The following RTL4 variants were observed in gnomAD, a reference collection of about 807,000 sequenced individuals.
RTL4 encodes retrotransposon Gag like 4.
A neutral mutation model predicts 5.3 loss-of-function variants in RTL4; 4 were observed. The ratio of observed to expected loss-of-function variants is 0.75; its 90% confidence interval spans 0.37 to 1.72. RTL4 has a LOEUF of 1.72. Ranked by LOEUF, RTL4 falls within the 40% of genes most tolerant of loss-of-function variation. RTL4 has a pLI of 0.04. For missense variants in RTL4, 260 were observed against 227.1 expected (o/e 1.14, Z -0.93); for synonymous variants, 98 against 87.3 (o/e 1.12, Z -0.68).
the RTL4 span, among the ~76,000 whole-genome samples, chrX:112,414,570 A>G: frequency 9.0e-6 from 1 of 111,644 alleles, no homozygotes; most frequent in Admixed American, 9.5e-5. Flanking sequence ...TAATGATTGA[A>G]TATCCTATGT....
the RTL4 span, among the ~76,000 whole-genome samples, chrX:112,292,954 A>G: frequency 1.7e-4 from 19 of 112,173 alleles, no homozygotes; most frequent in African/African-American, 2.3e-4. Context: ...GAACATATCT[A>G]CTGTGTAAAG....
chrX:112,246,323 G>A, the RTL4 span, among the ~76,000 whole-genome samples: 2 of 112,029 alleles, frequency 1.8e-5, no homozygotes, highest in Non-Finnish European at 3.8e-5. Context: ...CTGCCCCAGA[G>A]GTGGAGTCTA....
the RTL4 span, among the ~76,000 whole-genome samples, chrX:112,375,284 G>A: frequency 9.0e-6 from 1 of 111,019 alleles, no homozygotes; most frequent in Non-Finnish European, 1.9e-5. Flanking sequence ...GTTGAGGCGG[G>A]GGCGGAAGTC....
the RTL4 span, among the ~76,000 whole-genome samples, chrX:112,435,759 T>G: frequency 8.9e-6 from 1 of 112,269 alleles, no homozygotes; most frequent in Non-Finnish European, 1.9e-5. Flanking sequence ...AACAAAAAAC[T>G]TTTAAAATTT....
At chrX:112,340,411 A>G in the RTL4 span, among the ~76,000 whole-genome samples, 1 of 111,069 alleles carries the variant, frequency 9.0e-6, no homozygotes, top group Non-Finnish European at 1.9e-5. Context: ...TTATGAATCC[A>G]ATTAGGATTA....
chrX:112,388,795 G>A, the RTL4 span, among the ~76,000 whole-genome samples: 5 of 111,898 alleles, frequency 4.5e-5, no homozygotes, highest in South Asian at 1.9e-3. Flanking sequence ...TTTTCGATGT[G>A]CTGTTAAATT....
At chrX:112,381,840 A>AAAGATT in the RTL4 span, 1 of 1,206,609 alleles carries the variant, frequency 8.3e-7, no homozygotes. Context: ...CTCCAGGAGA[A>AAAGATT]AAGATTACTG....
At chrX:112,176,495 G>A in the RTL4 span, among the ~76,000 whole-genome samples, 8 of 111,488 alleles carry the variant, frequency 7.2e-5, no homozygotes, top group African/African-American at 2.0e-4. Flanking sequence ...GATGTTCACA[G>A]AATCTCCAAG....
chrX:112,439,076 C>G, the RTL4 span, among the ~76,000 whole-genome samples: 4 of 111,897 alleles, frequency 3.6e-5, no homozygotes, highest in African/African-American at 1.3e-4. Flanking sequence ...CCTCATAGCT[C>G]TATTTCCTTA....
chrX:112,088,361 C>A, the RTL4 span, among the ~76,000 whole-genome samples: 2 of 111,404 alleles, frequency 1.8e-5, no homozygotes, highest in African/African-American at 6.5e-5. Context: ...TTTGAAGGTC[C>A]ATCTGTGTTG....
chrX:112,344,684 A>G, the RTL4 span, among the ~76,000 whole-genome samples: 1 of 112,180 alleles, frequency 8.9e-6, no homozygotes, highest in Non-Finnish European at 1.9e-5. Flanking sequence ...TCTAAACCAT[A>G]TCAAGTGCCA....
At chrX:112,215,163 G>A in the RTL4 span, among the ~76,000 whole-genome samples, 1 of 111,046 alleles carries the variant, frequency 9.0e-6, no homozygotes, top group African/African-American at 3.3e-5. Context: ...GCATATTTGG[G>A]GGGTTCATGT....
the RTL4 span, among the ~76,000 whole-genome samples, chrX:112,376,143 T>C: frequency 5.8e-4 from 65 of 111,323 alleles, no homozygotes; most frequent in African/African-American, 2.1e-3. Context: ...TTACAATGCA[T>C]AGGACAGCCC....
chrX:112,254,563 G>A, the RTL4 span, among the ~76,000 whole-genome samples: 2 of 110,656 alleles, frequency 1.8e-5, no homozygotes, highest in South Asian at 3.8e-4. Flanking sequence ...TCTTGACCTC[G>A]TGATCCACCT....
chrX:112,296,710 C>T, the RTL4 span, among the ~76,000 whole-genome samples: 7 of 106,994 alleles, frequency 6.5e-5, no homozygotes, highest in East Asian at 8.8e-4. Flanking sequence ...CCCGAGTTCA[C>T]GCCTTTCTCC....
At chrX:112,168,360 T>C in the RTL4 span, among the ~76,000 whole-genome samples, 1 of 112,011 alleles carries the variant, frequency 8.9e-6, no homozygotes, top group East Asian at 2.8e-4. Context: ...TTCAACAACA[T>C]TGTTTCCCAA....
the RTL4 span, among the ~76,000 whole-genome samples, chrX:112,332,786 G>A: frequency 1.9e-4 from 21 of 109,607 alleles, no homozygotes; most frequent in Non-Finnish European, 3.2e-4. Flanking sequence ...CATATGTGAC[G>A]GACCTGCACA....
chrX:112,185,612 ATCTC>A, the RTL4 span, among the ~76,000 whole-genome samples: 1 of 105,585 alleles, frequency 9.5e-6, no homozygotes, highest in Non-Finnish European at 1.9e-5. Context: ...ATGGTGGTTA[ATCTC>A]TCTCTCTCCC....
At chrX:112,225,365 C>T in the RTL4 span, among the ~76,000 whole-genome samples, 1 of 111,944 alleles carries the variant, frequency 8.9e-6, no homozygotes, top group Non-Finnish European at 1.9e-5. Context: ...ATGGTAAGCT[C>T]TCTTTTACTT....
Sources: allele counts gnomAD v4.1 joint callset (sites outside exome capture counted in the v4.1 genomes callset), GRCh38; gene constraint gnomAD v4.1.1; transcripts MANE v1.5; gene names NCBI Gene and HGNC (gene_info 2026-07-23, HGNC 2026-07-21).